Variants in FER observed in about 807,000 individuals in gnomAD.
FER encodes FER tyrosine kinase.
In FER, 63 loss-of-function variants were observed where a neutral mutation model predicts 111.0. The observed-to-expected ratio is 0.57, with a 90% CI of 0.46 to 0.70. The LOEUF (loss-of-function observed/expected upper bound fraction) is 0.70. Among genes scored for constraint, FER ranks in the 30% least tolerant of loss-of-function variants. The pLI is 0.00. For missense variants in FER, 914 were observed against 954.0 expected (o/e 0.96, Z 0.55); for synonymous variants, 327 against 313.9 (o/e 1.04, Z -0.44).
Position 108,959,289 on chromosome 5 carries a change from C to G in FER, c.1598C>G (p.Thr533Arg). ...CCTCAACTTATAGATCATCACTATA[C>G]AACAAAACAGGTCATCACTAAGAAA... The part of the protein sequence containing the change: ...NIPQLIDHHY[T>R]TKQVITKKSG... Residue 533 changes from threonine (T) to arginine (R), a missense_variant, in exon 13 of 20, where the codon ACA (threonine) becomes AGA (arginine). Thr to Arg is a moderately conservative substitution (Grantham distance 71). Transcript: ENST00000281092. 2 of 1,611,940 alleles carry G rather than the reference C, an allele frequency of 1.2e-6. No homozygotes were observed. The highest frequency in any genetic ancestry group is 1.7e-6 in the Non-Finnish European group (2 of 1,178,696).
At chr5:108,971,862 A>G (rs1202534380) in intron 13 of FER, among the ~76,000 whole-genome samples, 2 of 152,168 alleles carry the variant, frequency 1.3e-5, no homozygotes, top group Non-Finnish European at 2.9e-5. Context: ...CATGATATTT[A>G]TATACCTGAA....
chr5:108,997,672 G>A (rs146589330), intron 13 of FER, among the ~76,000 whole-genome samples: 1,599 of 152,204 alleles, frequency 0.011, 24 homozygotes, highest in African/African-American at 0.036. Flanking sequence ...TGGGAGATCC[G>A]CTGCTCTCTT....
intron 5 of FER, among the ~76,000 whole-genome samples, chr5:108,846,106 G>C (rs184119682): frequency 8.5e-4 from 130 of 152,178 alleles, no homozygotes; most frequent in Admixed American, 1.6e-3. Flanking sequence ...GATAATGCTG[G>C]CCTCAGACTG....
At chr5:109,102,352 G>A (rs1748335925) in intron 17 of FER, among the ~76,000 whole-genome samples, 1 of 152,072 alleles carries the variant, frequency 6.6e-6, no homozygotes, top group Non-Finnish European at 1.5e-5. Flanking sequence ...CTTGAACAAT[G>A]TCAGTGAGAG....
At chr5:109,039,213 GTT>G (rs200232099) in intron 14 of FER, among the ~76,000 whole-genome samples, 3 of 146,180 alleles carry the variant, frequency 2.1e-5, no homozygotes, top group South Asian at 2.1e-4. Context: ...AACGCTGAGG[GTT>G]TTTTTTTTTG....
chr5:108,760,053 C>T (rs559944913), intron 1 of FER, among the ~76,000 whole-genome samples: 8 of 152,028 alleles, frequency 5.3e-5, no homozygotes, highest in Non-Finnish European at 7.4e-5. Context: ...ATGGATGTTG[C>T]GTTAGCAGTC....
intron 13 of FER, among the ~76,000 whole-genome samples, chr5:109,006,133 A>C (rs1765465465): frequency 6.6e-6 from 1 of 152,214 alleles, no homozygotes; most frequent in South Asian, 2.1e-4. Flanking sequence ...TATTTTGTAA[A>C]TGATGACTTT....
intron 8 of FER, among the ~76,000 whole-genome samples, chr5:108,879,357 G>C (rs1045102570): frequency 4.6e-5 from 7 of 151,746 alleles, no homozygotes; most frequent in Non-Finnish European, 7.4e-5. Context: ...GTATTGTCTC[G>C]CATGCATTAA....
At chr5:108,938,005 C>CT (rs1188676941) in intron 10 of FER, among the ~76,000 whole-genome samples, 1 of 144,828 alleles carries the variant, frequency 6.9e-6, no homozygotes. Context: ...CTCTTCCCTC[C>CT]TTTTTTTCCC....
At chr5:108,925,945 A>G (rs1407009694) in intron 10 of FER, among the ~76,000 whole-genome samples, 3 of 152,008 alleles carry the variant, frequency 2.0e-5, no homozygotes, top group African/African-American at 7.2e-5. Context: ...GAGGTAATTA[A>G]TGACTCACAT....
chr5:109,116,318 A>G (rs879219337), intron 17 of FER, among the ~76,000 whole-genome samples: 1 of 152,088 alleles, frequency 6.6e-6, no homozygotes, highest in African/African-American at 2.4e-5. Flanking sequence ...TTCAGTTATA[A>G]AAGAATTATT....
At chr5:109,076,169 A>T (rs1776317065) in intron 16 of FER, among the ~76,000 whole-genome samples, 1 of 152,160 alleles carries the variant, frequency 6.6e-6, no homozygotes. Context: ...ATTATATATA[A>T]GGAGAAAGAT....
At chr5:108,766,259 A>T (rs192236575) in intron 1 of FER, among the ~76,000 whole-genome samples, 1 of 152,202 alleles carries the variant, frequency 6.6e-6, no homozygotes, top group Non-Finnish European at 1.5e-5. Context: ...TTTAAAAATA[A>T]TTTTGTCATG....
chr5:108,769,187 A>G (rs1425881144), intron 2 of FER, among the ~76,000 whole-genome samples: 1 of 152,164 alleles, frequency 6.6e-6, no homozygotes, highest in Non-Finnish European at 1.5e-5. Context: ...AGGAGGTGGA[A>G]TCTACTTTAG....
At position 109,072,442 on chromosome 5, in the gene FER, C is replaced by T. The variant is rs116786699; in HGVS notation, c.1924+25244C>T. 5.8e-3 allele frequency among the ~76,000 whole-genome samples: 880 copies of T among 151,642 alleles called. 6 individuals carry two copies. Among genetic ancestry groups the T allele is most frequent in the African/African-American group, 0.02 (841 of 41,468 alleles). Reference sequence around the variant, plus strand: ...ATATTTTTCAGAGTCATTAATCCCTCTGGGTTTGTTCCCAGGACTTTGAAA... The same window carrying T: ...ATATTTTTCAGAGTCATTAATCCCTTTGGGTTTGTTCCCAGGACTTTGAAA... On this transcript the variant is annotated intron_variant, in intron 16 of 19. Coordinates refer to ENST00000281092, the MANE Select transcript of FER (RefSeq NM_005246.4).
intron 13 of FER, among the ~76,000 whole-genome samples, chr5:109,013,121 C>T (rs1257774905): frequency 1.2e-4 from 18 of 150,414 alleles, no homozygotes; most frequent in African/African-American, 4.4e-4. Flanking sequence ...GGTACATGTG[C>T]ACAATGTACA....
chr5:108,798,638 A>G (rs1245390083), intron 3 of FER, among the ~76,000 whole-genome samples: 2 of 152,188 alleles, frequency 1.3e-5, no homozygotes, highest in African/African-American at 4.8e-5. Flanking sequence ...ACTTTAGCCT[A>G]GGAGTTTGAG....
chr5:108,819,472 T>C (rs1275092063), intron 3 of FER, among the ~76,000 whole-genome samples: 1 of 152,204 alleles, frequency 6.6e-6, no homozygotes, highest in Admixed American at 6.6e-5. Context: ...TTTAGGTGTG[T>C]GACTTTAGGC....
At chr5:109,182,830 A>ACAAGT (rs1186480639) in intron 18 of FER, among the ~76,000 whole-genome samples, 4 of 152,184 alleles carry the variant, frequency 2.6e-5, no homozygotes, top group African/African-American at 7.2e-5. Flanking sequence ...AGTAATAAGG[A>ACAAGT]CAAGTCAAGT....
Sources: gnomAD v4.1 joint callset for allele counts (sites outside exome capture counted in the v4.1 genomes callset) on GRCh38, gnomAD v4.1.1 for gene constraint, MANE v1.5 for transcripts, NCBI Gene and HGNC (gene_info 2026-07-23, HGNC 2026-07-21) for gene names.